EHHADH: variants seen among roughly 807,000 people sequenced by gnomAD.
EHHADH encodes enoyl-CoA hydratase and 3-hydroxyacyl CoA dehydrogenase, also known as peroxisomal bifunctional enzyme.
Under a neutral mutation model 64.4 loss-of-function variants are expected in EHHADH, and 48 were observed. That is an observed-to-expected ratio of 0.75 (90% CI 0.59 to 0.95). The LOEUF is 0.95. Ranked by LOEUF, EHHADH falls within the 40% of genes least tolerant of loss-of-function variation. The probability of loss-of-function intolerance (pLI) is 0.00; values close to 1 mark genes in which losing one functional copy is unlikely to be tolerated. For missense variants in EHHADH, 854 were observed against 876.6 expected (o/e 0.97, Z 0.33); for synonymous variants, 308 against 326.7 (o/e 0.94, Z 0.62).
chr3:185,246,427 CT>C, intron 2 of EHHADH: 1 of 534,198 alleles, frequency 1.9e-6, no homozygotes, highest in Non-Finnish European at 3.0e-6. Flanking sequence ...CAAAAATCAT[CT>C]CATCTCCAGA....
intron 4 of EHHADH, among the ~76,000 whole-genome samples, chr3:185,222,923 G>A (rs568290358): frequency 6.6e-6 from 1 of 152,170 alleles, no homozygotes; most frequent in East Asian, 1.9e-4. Context: ...TTTTTATCCT[G>A]GGGAAGCTTG....
chr3:185,209,662 C>G lies in EHHADH; in HGVS notation c.569-4905G>C, dbSNP rs370722905. On this transcript the variant is annotated intron_variant, in intron 5 of 6. Transcript: ENST00000231887. ...AACGTGAGTAAGGTTTGGATGTAAT[C>G]ATGTGCACATGGTAATATAGATATA... Among the ~76,000 whole-genome samples, 8 of 152,324 alleles carry G rather than the reference C, an allele frequency of 5.3e-5. No individual in the cohort carries two copies. The East Asian group carries it at 1.2e-3, about 22-fold the overall frequency.
chr3:185,204,583 C>G lies in EHHADH; in HGVS notation c.743G>C (p.Gly248Ala), dbSNP rs1718331474. 1 of 1,614,076 alleles carries G rather than the reference C, an allele frequency of 6.2e-7. No homozygotes were observed. Among genetic ancestry groups the G allele is most frequent in the Non-Finnish European group, 8.5e-7 (1 of 1,180,034 alleles). ...QAAVQYPYEV[G>A]IKKEEELFLY... ...AAACAGCTCCTCCTCCTTCTTGATG[C>G]CCACTTCATAGGGATACTGCACAGC... Residue 248 changes from glycine (G) to alanine (A), a missense_variant, in exon 6 of 7, where the codon GGC (glycine) becomes GCC (alanine). Gly to Ala is a moderately conservative substitution (Grantham distance 60). Coordinates refer to ENST00000231887, the MANE Select transcript of EHHADH (RefSeq NM_001966.4).
At chr3:185,238,993 C>A (rs1290442411) in intron 2 of EHHADH, among the ~76,000 whole-genome samples, 1 of 152,132 alleles carries the variant, frequency 6.6e-6, no homozygotes, top group Non-Finnish European at 1.5e-5. Context: ...CAGCTTCATT[C>A]TTCTGCATAT....
intron 2 of EHHADH, 78 bp from the exon 3 acceptor site, chr3:185,235,540 C>G: frequency 8.5e-7 from 1 of 1,178,666 alleles, no homozygotes; most frequent in Non-Finnish European, 1.1e-6. Context: ...TTACCTGATA[C>G]TCTTTAAAAA....
chr3:185,250,682 A>G (rs934256444), intron 1 of EHHADH, among the ~76,000 whole-genome samples: 5 of 132,644 alleles, frequency 3.8e-5, no homozygotes, highest in African/African-American at 1.3e-4. Context: ...CCCAAGAAAT[A>G]AAAAGGATAC....
chr3:185,227,829 G>C (rs926170475), intron 4 of EHHADH, among the ~76,000 whole-genome samples: 5 of 151,864 alleles, frequency 3.3e-5, no homozygotes, highest in African/African-American at 1.2e-4. Context: ...TCCATCTCAA[G>C]AAAGAAATTA....
At chr3:185,234,708 T>C (rs1315257890) in intron 3 of EHHADH, among the ~76,000 whole-genome samples, 1 of 150,498 alleles carries the variant, frequency 6.6e-6, no homozygotes, top group Admixed American at 6.6e-5. Context: ...TCCCCTGTAG[T>C]TGATGGATCA....
chr3:185,201,517 G>C (rs1388730912), intron 6 of EHHADH, among the ~76,000 whole-genome samples: 1 of 152,148 alleles, frequency 6.6e-6, no homozygotes, highest in Non-Finnish European at 1.5e-5. Flanking sequence ...AGGTCCTCAG[G>C]GTAAGCCGGG....
At chr3:185,227,285 C>A (rs1185384818) in intron 4 of EHHADH, among the ~76,000 whole-genome samples, 1 of 152,238 alleles carries the variant, frequency 6.6e-6, no homozygotes, top group African/African-American at 2.4e-5. Flanking sequence ...GTAATCCCAG[C>A]ACTTTGGGGG....
At position 185,201,847 on chromosome 3, in the gene EHHADH, T is replaced by C. The variant is rs533066444; in HGVS notation, c.910+2569A>G. 7.2e-5 allele frequency among the ~76,000 whole-genome samples: 11 copies of C among 152,312 alleles called. No homozygotes were observed. The South Asian group carries it at 2.3e-3, about 32-fold the overall frequency. On this transcript the variant is annotated intron_variant, in intron 6 of 6. Coordinates refer to ENST00000231887, the MANE Select transcript of EHHADH (RefSeq NM_001966.4). Reference sequence around the variant, plus strand: ...ATCGGGAAATCCTCTCAAACAGTGGTTGACAAACACAATACTGATACACTT... The same window carrying C: ...ATCGGGAAATCCTCTCAAACAGTGGCTGACAAACACAATACTGATACACTT...
chr3:185,194,800 CAAAAAAAAAAAA>C (rs34093153), intron 6 of EHHADH, among the ~76,000 whole-genome samples: 10 of 29,302 alleles, frequency 3.4e-4, no homozygotes, highest in African/African-American at 3.3e-4. Context: ...GACCCTGTCT[CAAAAAAAAAAAA>C]AAAAAAAAAA....
chr3:185,228,991 G>C (rs1309192786), intron 4 of EHHADH, among the ~76,000 whole-genome samples: 1 of 152,020 alleles, frequency 6.6e-6, no homozygotes, highest in Non-Finnish European at 1.5e-5. Flanking sequence ...TTTTAATAGA[G>C]ATGGGGTTTC....
intron 2 of EHHADH, chr3:185,248,196 AC>A (rs1306196594): frequency 2.0e-6 from 1 of 500,372 alleles, no homozygotes; most frequent in Non-Finnish European, 3.5e-6. Context: ...AACTAAATAT[AC>A]TCTAAAAGCC....
chr3:185,212,848 G>A (rs561379518), intron 5 of EHHADH, among the ~76,000 whole-genome samples: 12 of 152,104 alleles, frequency 7.9e-5, no homozygotes, highest in African/African-American at 1.9e-4. Flanking sequence ...AGCTGGGTGC[G>A]GTAGCTCACG....
At chr3:185,246,107 C>T in intron 2 of EHHADH, 1 of 1,252,296 alleles carries the variant, frequency 8.0e-7, no homozygotes, top group Non-Finnish European at 1.2e-6. Flanking sequence ...AGGTCATCCT[C>T]TGGTTCAGCT....
intron 5 of EHHADH, among the ~76,000 whole-genome samples, chr3:185,207,964 C>A (rs758715060): frequency 6.6e-6 from 1 of 152,174 alleles, no homozygotes; most frequent in Non-Finnish European, 1.5e-5. Flanking sequence ...GGCTAATATG[C>A]ACACAAAAAG....
At chr3:185,246,109 G>A (rs144866195) in intron 2 of EHHADH, 1 of 1,252,774 alleles carries the variant, frequency 8.0e-7, no homozygotes, top group Admixed American at 1.7e-5. Flanking sequence ...GTCATCCTCT[G>A]GTTCAGCTGG....
intron 5 of EHHADH, 110 bp from the exon 6 acceptor site, chr3:185,204,867 C>G: frequency 1.2e-6 from 1 of 862,722 alleles, no homozygotes; most frequent in Non-Finnish European, 1.8e-6. Context: ...AAACTAAAAG[C>G]TATTCATTAA....
Sources: gnomAD v4.1 joint callset for allele counts (sites outside exome capture counted in the v4.1 genomes callset) on GRCh38, gnomAD v4.1.1 for gene constraint, MANE v1.5 for transcripts, NCBI Gene and HGNC (gene_info 2026-07-23, HGNC 2026-07-21) for gene names.